KCMF1: variants seen among roughly 807,000 people sequenced by gnomAD.
KCMF1 encodes the protein potassium channel modulatory factor 1.
A neutral mutation model predicts 41.1 loss-of-function variants in KCMF1; 3 were observed. The ratio of observed to expected loss-of-function variants is 0.07; its 90% CI spans 0.03 to 0.19. KCMF1 has a LOEUF of 0.19. Among genes scored for constraint, KCMF1 ranks in the 10% least tolerant of loss-of-function variants. The pLI is 1.00. For missense variants in KCMF1, 286 were observed against 488.9 expected, an observed-to-expected ratio of 0.58 and a Z score of 3.91; for synonymous variants, 142 against 164.5, an observed-to-expected ratio of 0.86 and a Z score of 1.04.
chr2:85,052,993 C>T (rs1253704737), intron 6 of KCMF1, among the ~76,000 whole-genome samples, 155 bp from the exon 7 acceptor site: 10 of 152,112 alleles, frequency 6.6e-5, no homozygotes, highest in Middle Eastern at 3.2e-3. Flanking sequence ...CGTCTCAACA[C>T]AATTAAGGAT....
intron 3 of KCMF1, among the ~76,000 whole-genome samples, chr2:85,037,442 G>A (rs755366449): frequency 6.6e-6 from 1 of 152,186 alleles, no homozygotes; most frequent in Non-Finnish European, 1.5e-5. Context: ...CCATTCTGAA[G>A]GATTGGTGCC....
chr2:84,980,453 G>T (rs1673702467), intron 1 of KCMF1, among the ~76,000 whole-genome samples: 1 of 152,174 alleles, frequency 6.6e-6, no homozygotes, highest in Admixed American at 6.5e-5. Context: ...ATGAACAAGA[G>T]ATGAATGAAT....
chr2:85,004,329 G>A (rs1365285702), intron 1 of KCMF1, among the ~76,000 whole-genome samples: 1 of 152,066 alleles, frequency 6.6e-6, no homozygotes, highest in Non-Finnish European at 1.5e-5. Context: ...GGCTAACATG[G>A]TGAAAACCTG....
intron 1 of KCMF1, among the ~76,000 whole-genome samples, chr2:85,011,951 C>T (rs1335472216): frequency 1.3e-5 from 2 of 152,148 alleles, no homozygotes; most frequent in Admixed American, 1.3e-4. Context: ...TGCTAAGTGA[C>T]CCCTAGGGGG....
chr2:84,993,263 T>G (rs965005334), intron 1 of KCMF1, among the ~76,000 whole-genome samples: 1 of 151,936 alleles, frequency 6.6e-6, no homozygotes, highest in Non-Finnish European at 1.5e-5. Flanking sequence ...TTTGCTTCAT[T>G]AGGGAGTATC....
chr2:85,015,797 C>G (rs1482855955), intron 1 of KCMF1, among the ~76,000 whole-genome samples: 1 of 152,138 alleles, frequency 6.6e-6, no homozygotes, highest in East Asian at 1.9e-4. Flanking sequence ...TGAAGATTGA[C>G]AAAGTAATAT....
chr2:84,974,612 T>C (rs955432448), intron 1 of KCMF1, among the ~76,000 whole-genome samples: 2 of 143,772 alleles, frequency 1.4e-5, no homozygotes, highest in Non-Finnish European at 3.0e-5. Flanking sequence ...AGATCATGGC[T>C]CTGTTCCAAT....
Position 84,993,498 on chromosome 2 carries a change from C to T in KCMF1, c.16+22031C>T, listed in dbSNP as rs573251646. On this transcript the variant is annotated intron_variant, in intron 1 of 6. Coordinates refer to ENST00000409785, the MANE Select transcript of KCMF1 (RefSeq NM_020122.5). Reference sequence around the variant, plus strand: ...GTTGATGTACTCCCTTAATCTATTACCCAGCTTCACATCAACATTTTATCA... The same window carrying T: ...GTTGATGTACTCCCTTAATCTATTATCCAGCTTCACATCAACATTTTATCA... 3.3e-5 allele frequency among the ~76,000 whole-genome samples: 5 copies of T among 152,128 alleles called. No homozygotes were observed. The East Asian group carries it at 9.6e-4, about 29-fold the overall frequency.
chr2:85,002,469 G>A (rs1368042863), intron 1 of KCMF1, among the ~76,000 whole-genome samples: 1 of 152,178 alleles, frequency 6.6e-6, no homozygotes, highest in Non-Finnish European at 1.5e-5. Flanking sequence ...TGCAAAGGTA[G>A]TATAGAGACT....
intron 1 of KCMF1, among the ~76,000 whole-genome samples, chr2:85,019,362 T>C (rs1462482431): frequency 6.6e-6 from 1 of 152,174 alleles, no homozygotes; most frequent in Non-Finnish European, 1.5e-5. Flanking sequence ...AGAGTCATTC[T>C]AAAGGGGACA....
chr2:84,980,797 C>T (rs762761267), intron 1 of KCMF1, among the ~76,000 whole-genome samples: 2 of 152,080 alleles, frequency 1.3e-5, no homozygotes, highest in Admixed American at 6.6e-5. Flanking sequence ...TGTGCTACCA[C>T]GCCTGAATAA....
At chr2:85,031,478 A>G (rs985340578) in intron 2 of KCMF1, among the ~76,000 whole-genome samples, 2 of 152,170 alleles carry the variant, frequency 1.3e-5, no homozygotes, top group African/African-American at 4.8e-5. Flanking sequence ...ACATACAACC[A>G]TGCTGTTTTT....
chr2:85,008,263 C>CATATATAATATATAATATATATA (rs1465922425), intron 1 of KCMF1, among the ~76,000 whole-genome samples: 3 of 68,830 alleles, frequency 4.4e-5, no homozygotes, highest in South Asian at 4.0e-4. Flanking sequence ...TATTATATAT[C>CATATATAATATATAATATATATA]ATATATAATA....
Position 85,040,847 on chromosome 2 carries a change from G to A in KCMF1, c.325-2717G>A, listed in dbSNP as rs181684998. ...GCGATCTTGGCTCACTGCAACCTCC[G>A]CTTCCCGGGTTCAAGTGATTCTCCT... is the stretch of plus-strand genomic sequence containing the variant. On this transcript the variant is annotated intron_variant, in intron 3 of 6. Coordinates refer to ENST00000409785, the MANE Select transcript of KCMF1 (RefSeq NM_020122.5). Among the ~76,000 whole-genome samples, 199 of 150,940 alleles carry A rather than the reference G, an allele frequency of 1.3e-3. 1 individual carries two copies. The highest frequency in any genetic ancestry group is 2.0e-3 in the Non-Finnish European group (136 of 67,846).
At chr2:85,045,452 T>C (rs1388552031) in intron 4 of KCMF1, among the ~76,000 whole-genome samples, 1 of 152,056 alleles carries the variant, frequency 6.6e-6, no homozygotes, top group African/African-American at 2.4e-5. Flanking sequence ...AGCCAAAAAA[T>C]TAATCTGCAT....
chr2:85,008,356 T>TATGATATATAATATATATC (rs1674555068), intron 1 of KCMF1, among the ~76,000 whole-genome samples: 7 of 60,972 alleles, frequency 1.1e-4, no homozygotes, highest in African/African-American at 3.9e-4. Flanking sequence ...TAATATATAA[T>TATGATATATAATATATATC]ATATATTATA....
intron 5 of KCMF1, among the ~76,000 whole-genome samples, chr2:85,047,971 A>C (rs1675712146): frequency 6.6e-6 from 1 of 152,178 alleles, no homozygotes; most frequent in African/African-American, 2.4e-5. Flanking sequence ...GTAGCAAGAG[A>C]GAGAGGAGCA....
rs1486177880 is a variant in KCMF1 at position 85,008,291 on chromosome 2, T to TATATAATATGATATATAATATATATC, written c.17-19593_17-19592insATATGATATATAATATATATCATATA. Among the ~76,000 whole-genome samples the TATATAATATGATATATAATATATATC allele has an allele frequency of 8.8e-3, 129 of 14,634 alleles. 2 individuals are homozygous for TATATAATATGATATATAATATATATC. Among genetic ancestry groups the TATATAATATGATATATAATATATATC allele is most frequent in the African/African-American group, 0.02 (127 of 6,492 alleles). The allele number at this position is 14,634 out of a possible 152,430, so 9.6% of individuals were successfully genotyped here. A position where few individuals can be genotyped will look rare whatever the true frequency, so the allele number is the denominator to read the frequency against. ...ATATAATATATAATATGATATATAATATATATAATATATAATATGATATAT... is the reference window on the plus strand; with the variant it reads ...ATATAATATATAATATGATATATAATATATAATATGATATATAATATATATCATATATAATATATAATATGATATAT... On this transcript the variant is annotated intron_variant, in intron 1 of 6. Coordinates refer to ENST00000409785, the MANE Select transcript of KCMF1 (RefSeq NM_020122.5).
chr2:85,030,496 GA>G (rs1380302993), intron 2 of KCMF1, among the ~76,000 whole-genome samples: 3 of 151,950 alleles, frequency 2.0e-5, no homozygotes, highest in Non-Finnish European at 2.9e-5. Flanking sequence ...GACCCATTTA[GA>G]ATTAATTTTT....
Sources: allele counts gnomAD v4.1 joint callset (sites outside exome capture counted in the v4.1 genomes callset), GRCh38; gene constraint gnomAD v4.1.1; transcripts MANE v1.5; gene names NCBI Gene and HGNC (gene_info 2026-07-23, HGNC 2026-07-21).